Variants in MAFG observed in about 807,000 individuals in gnomAD.
MAFG encodes the protein MAF bZIP transcription factor G, also known as transcription factor MafG.
A neutral mutation model predicts 12.2 loss-of-function variants in MAFG; 3 were observed. The ratio of observed to expected loss-of-function variants is 0.25; its 90% CI spans 0.11 to 0.64. The LOEUF (loss-of-function observed/expected upper bound fraction) is 0.64. Among genes scored for constraint, MAFG ranks in the 30% least tolerant of loss-of-function variants. MAFG has a pLI of 0.85. For synonymous variants in MAFG, 126 were observed against 109.1 expected, an observed-to-expected ratio of 1.15 and a Z score of -0.96; for missense variants, 153 against 235.5, an observed-to-expected ratio of 0.65 and a Z score of 2.29.
chr17:81,920,923 G>A lies in MAFG; in HGVS notation c.*1682C>T, dbSNP rs1243695027. 1 of 152,440 alleles carries A rather than the reference G, an allele frequency of 6.6e-6. No individual in the cohort carries two copies. The highest frequency in any genetic ancestry group is 1.9e-4 in the East Asian group (1 of 5,202). 9.4% of individuals were successfully genotyped at this position (152,440 alleles called of 1,614,324 possible). A position where few individuals can be genotyped will look rare whatever the true frequency, so the allele number is the denominator to read the frequency against. ...CACCCGCAGCATGGAAACACCTCAG[G>A]GATCAAGCGGGCGGCGAGACCTGCA... On this transcript the variant is annotated 3_prime_UTR_variant, in exon 3 of 3. Coordinates refer to ENST00000357736, the MANE Select transcript of MAFG (RefSeq NM_002359.4).
intron 1 of MAFG, 42 bp downstream of exon 1, chr17:81,927,486 G>GC (rs1388098401): frequency 6.9e-6 from 1 of 144,948 alleles, no homozygotes; most frequent in Non-Finnish European, 1.5e-5. Flanking sequence ...CCCCCGCCGC[G>GC]CCGCCCCCAC....
In MAFG at chr17:81,926,028, G is replaced by GTGTGTGTGTGTGT. The variant is rs1567916031; in HGVS notation, c.-30+1499_-30+1500insACACACACACACA. Among the ~76,000 whole-genome samples the GTGTGTGTGTGTGT allele has an allele frequency of 4.4e-4, 48 of 109,804 alleles. No individual in the cohort carries two copies. Among genetic ancestry groups the GTGTGTGTGTGTGT allele is most frequent in the African/African-American group, 1.5e-3 (47 of 31,124 alleles). 72.0% of individuals were successfully genotyped at this position (109,804 alleles called of 152,430 possible). On this transcript the variant is annotated intron_variant, in intron 1 of 2. Coordinates refer to ENST00000357736, the MANE Select transcript of MAFG (RefSeq NM_002359.4). This position sits in a 1 kb window ranked among gnomAD's most constrained non-coding sequence, Gnocchi z 4.6. ...TGTGTGTGTGTGTGTGTGTGTGTGT[G>GTGTGTGTGTGTGT]GCGGGGGGCGGGGGGCATCCCTGAG...
chr17:81,922,537 G>C lies in MAFG; in HGVS notation c.*68C>G, dbSNP rs532353831. 8.3e-7 allele frequency: 1 copy of C among 1,207,880 alleles called. No individual in the cohort carries two copies. The highest frequency in any genetic ancestry group is 1.9e-5 in the South Asian group (1 of 52,892). The allele number at this position is 1,207,880 out of a possible 1,614,324, so 74.8% of individuals were successfully genotyped here. A position where few individuals can be genotyped will look rare whatever the true frequency, so the allele number is the denominator to read the frequency against. On this transcript the variant is annotated 3_prime_UTR_variant, in exon 3 of 3. Transcript: ENST00000357736. ...GAAAGAGAAGAGAAGGAAACAGAGG[G>C]ACAGGGCAGCCAAATTCGCCATGTG...
intron 1 of MAFG, among the ~76,000 whole-genome samples, chr17:81,923,831 G>A (rs917502228): frequency 1.3e-5 from 2 of 152,200 alleles, no homozygotes; most frequent in African/African-American, 2.4e-5. Flanking sequence ...GGTGCACAGG[G>A]GCCCCACGGG....
upstream of MAFG, among the ~76,000 whole-genome samples, chr17:81,929,324 C>T (rs2040966765): frequency 6.6e-6 from 1 of 152,122 alleles, no homozygotes; most frequent in African/African-American, 2.4e-5. This position sits in a 1 kb window ranked among gnomAD's most constrained non-coding sequence, Gnocchi z 5.7. Flanking sequence ...CCTTTGCTGC[C>T]CCTCACCCCA....
In MAFG at chr17:81,923,207, G is replaced by A. The variant is rs774342159; in HGVS notation, c.-22C>T. ...TCATAACCCGGGGGCACAGCGAGCAGGCGCTCTCTGCAAGACACGGAGCAG... is the reference window on the plus strand; with the variant it reads ...TCATAACCCGGGGGCACAGCGAGCAAGCGCTCTCTGCAAGACACGGAGCAG... On this transcript the variant is annotated 5_prime_UTR_variant, in exon 2 of 3. Transcript: ENST00000357736. 7 of 1,587,004 alleles carry A rather than the reference G, an allele frequency of 4.4e-6. No homozygotes were observed. Among genetic ancestry groups the A allele is most frequent in the Non-Finnish European group, 5.1e-6 (6 of 1,166,390 alleles).
Position 81,919,820 on chromosome 17 carries a change from G to A in MAFG, c.*2785C>T, listed in dbSNP as rs2040870851. On this transcript the variant is annotated 3_prime_UTR_variant, in exon 3 of 3. Transcript: ENST00000357736. ...TGGCTCCGCAGGGCTGACCTGACAG[G>A]GGACAGGAACACTCCCCTAGACCCA... The A allele has an allele frequency of 6.6e-6, 1 of 152,234 alleles. No individual in the cohort carries two copies. The highest frequency in any genetic ancestry group is 1.5e-5 in the Non-Finnish European group (1 of 68,082). The allele number at this position is 152,234 out of a possible 1,614,324, so 9.4% of individuals were successfully genotyped here. A position where few individuals can be genotyped will look rare whatever the true frequency, so the allele number is the denominator to read the frequency against.
chr17:81,919,817 CAG>C lies in MAFG; in HGVS notation c.*2786_*2787del, dbSNP rs1195854446. 6.6e-6 allele frequency: 1 copy of C among 152,288 alleles called. No homozygotes were observed. The highest frequency in any genetic ancestry group is 1.5e-5 in the Non-Finnish European group (1 of 68,090). The allele number at this position is 152,288 out of a possible 1,614,324, so 9.4% of individuals were successfully genotyped here. ...GAGTGGCTCCGCAGGGCTGACCTGACAGGGGACAGGAACACTCCCCTAGACCC... is the reference window on the plus strand; with the variant it reads ...GAGTGGCTCCGCAGGGCTGACCTGACGGGACAGGAACACTCCCCTAGACCC... On this transcript the variant is annotated 3_prime_UTR_variant, in exon 3 of 3. Transcript: ENST00000357736.
At chr17:81,925,259 G>A (rs566105448) in intron 1 of MAFG, among the ~76,000 whole-genome samples, 2 of 152,324 alleles carry the variant, frequency 1.3e-5, no homozygotes, top group East Asian at 1.9e-4. Flanking sequence ...TCACGGCTCC[G>A]CAACCTGCGA....
upstream of MAFG, chr17:81,927,755 TC>T (rs1201493173): frequency 6.6e-6 from 1 of 152,026 alleles, no homozygotes; most frequent in Non-Finnish European, 1.5e-5. Flanking sequence ...TCACGTGGGC[TC>T]CATTCATGAA....
rs1162175346 is a variant in MAFG, at chr17:81,922,382, C to T, written c.*223G>A. On this transcript the variant is annotated 3_prime_UTR_variant, in exon 3 of 3. Coordinates refer to ENST00000357736, the MANE Select transcript of MAFG (RefSeq NM_002359.4). ...AGGGGTTGGGGCGACCCCACGTCAC[C>T]GCCGAACTGACCAATCCCAACATAC... 1.2e-5 allele frequency: 5 copies of T among 403,834 alleles called. No individual in the cohort carries two copies. The highest frequency in any genetic ancestry group is 2.2e-5 in the Non-Finnish European group (5 of 230,122). The allele number at this position is 403,834 out of a possible 1,614,324, so 25.0% of individuals were successfully genotyped here.
chr17:81,922,479 C>T lies in MAFG; in HGVS notation c.*126G>A, dbSNP rs1456573013. On this transcript the variant is annotated 3_prime_UTR_variant, in exon 3 of 3. Transcript: ENST00000357736. ...CCCCTGGGGTACAGGTTGTGCTTTG[C>T]AGGGAAGAGAGAAGGGTGGGGAAGA... The T allele has an allele frequency of 4.0e-6, 3 of 754,438 alleles. No individual in the cohort carries two copies. Among genetic ancestry groups the T allele is most frequent in the African/African-American group, 3.7e-5 (2 of 53,494 alleles). 46.7% of individuals were successfully genotyped at this position (754,438 alleles called of 1,614,324 possible). A position where few individuals can be genotyped will look rare whatever the true frequency, so the allele number is the denominator to read the frequency against.
intron 1 of MAFG, among the ~76,000 whole-genome samples, chr17:81,927,244 G>GTCCGC (rs1198047439): frequency 6.6e-6 from 1 of 151,648 alleles, no homozygotes; most frequent in Non-Finnish European, 1.5e-5. Context: ...GGGTCTCCGA[G>GTCCGC]TCCGCTCCGC....
At position 81,922,760 on chromosome 17, in the gene MAFG, C is replaced by G. The variant is rs773709317; in HGVS notation, c.334G>C (p.Glu112Gln). ...LELDALRSKYEALQTFARTVA... is the reference protein window; with the variant it reads ...LELDALRSKYQALQTFARTVA... ...GTCCGGGCGAAGGTCTGCAGCGCCTCGTACTTGGAGCGCAGCGCGTCGAGC... is the reference window on the plus strand; with the variant it reads ...GTCCGGGCGAAGGTCTGCAGCGCCTGGTACTTGGAGCGCAGCGCGTCGAGC... The change falls in exon 3 of 3, where the codon GAG (glutamate) becomes CAG (glutamine). Residue 112 changes from glutamate (E) to glutamine (Q), a missense_variant. Glu to Gln is a conservative substitution (Grantham distance 29). Coordinates refer to ENST00000357736, the MANE Select transcript of MAFG (RefSeq NM_002359.4). 1.9e-6 allele frequency: 3 copies of G among 1,592,964 alleles called. No homozygotes were observed. Among genetic ancestry groups the G allele is most frequent in the Non-Finnish European group, 2.6e-6 (3 of 1,169,654 alleles).
chr17:81,920,924 G>A lies in MAFG; in HGVS notation c.*1681C>T, dbSNP rs1378950682. 6.6e-6 allele frequency: 1 copy of A among 152,474 alleles called. No homozygotes were observed. The highest frequency in any genetic ancestry group is 6.5e-5 in the Admixed American group (1 of 15,282). The allele number at this position is 152,474 out of a possible 1,614,324, so 9.4% of individuals were successfully genotyped here. A position where few individuals can be genotyped will look rare whatever the true frequency, so the allele number is the denominator to read the frequency against. ...ACCCGCAGCATGGAAACACCTCAGG[G>A]ATCAAGCGGGCGGCGAGACCTGCAG... On this transcript the variant is annotated 3_prime_UTR_variant, in exon 3 of 3. Coordinates refer to ENST00000357736, the MANE Select transcript of MAFG (RefSeq NM_002359.4).
chr17:81,927,097 C>T (rs1242872750), intron 1 of MAFG, among the ~76,000 whole-genome samples: 2 of 151,884 alleles, frequency 1.3e-5, no homozygotes, highest in African/African-American at 4.8e-5. Context: ...ACCCCCGCGC[C>T]GGGGAGAGCT....
Position 81,922,656 on chromosome 17 carries a change from G to C in MAFG, c.438C>G (p.Ala146=). ...TTACTATTGTGATGACGCTGGTGGCGGCCACCTTGCCTGGGACGAGGGGCC... is the reference window on the plus strand; with the variant it reads ...TTACTATTGTGATGACGCTGGTGGCCGCCACCTTGCCTGGGACGAGGGGCC... The part of the protein sequence containing the change: ...GLGPLVPGKV[A]ATSVITIVKS... Residue 146 remains alanine (A), a synonymous_variant, in exon 3 of 3, where the codon GCC becomes GCG. Transcript: ENST00000357736. The C allele has an allele frequency of 6.6e-7, 1 of 1,504,176 alleles. No individual in the cohort carries two copies. Among genetic ancestry groups the C allele is most frequent in the East Asian group, 2.3e-5 (1 of 42,608 alleles). 93.2% of individuals were successfully genotyped at this position (1,504,176 alleles called of 1,614,324 possible). A position where few individuals can be genotyped will look rare whatever the true frequency, so the allele number is the denominator to read the frequency against.
chr17:81,925,889 C>A (rs112912291), intron 1 of MAFG, among the ~76,000 whole-genome samples: 1 of 151,484 alleles, frequency 6.6e-6, no homozygotes, highest in African/African-American at 2.4e-5. Context: ...TCCAGGCCAA[C>A]GGTCAGCTAA....
intron 2 of MAFG, 35 bp from the exon 3 acceptor site, chr17:81,923,092 G>C: frequency 2.5e-6 from 4 of 1,609,756 alleles, no homozygotes; most frequent in Non-Finnish European, 3.4e-6. Context: ...AGGCCAAGCG[G>C]GCACGCCCAC....
Sources: gnomAD v4.1 joint callset for allele counts (sites outside exome capture counted in the v4.1 genomes callset) on GRCh38, gnomAD v4.1.1 for gene constraint, Gnocchi (gnomAD v3.1) non-coding constraint, MANE v1.5 for transcripts, NCBI Gene and HGNC (gene_info 2026-07-23, HGNC 2026-07-21) for gene names.